Variants in TET1 observed in about 807,000 individuals in gnomAD.
The protein encoded by TET1 is tet methylcytosine dioxygenase 1.
Under a neutral mutation model 148.7 loss-of-function variants are expected in TET1, and 13 were observed. The ratio of observed to expected loss-of-function variants is 0.09; its 90% CI spans 0.06 to 0.14. TET1 has a LOEUF of 0.14. Among genes scored for constraint, TET1 ranks in the 10% least tolerant of loss-of-function variants. TET1 has a pLI of 1.00. For synonymous variants in TET1, 907 were observed against 937.2 expected (o/e 0.97, Z 0.59); for missense variants, 2,182 against 2,553.8 (o/e 0.85, Z 3.14).
intron 6 of TET1, among the ~76,000 whole-genome samples, chr10:68,656,428 A>C (rs1178054764): frequency 6.6e-6 from 1 of 152,042 alleles, no homozygotes; most frequent in African/African-American, 2.4e-5. Context: ...ACACCTGGCT[A>C]ATTTTTTGTA....
In TET1 at chr10:68,691,761, G is replaced by A; in HGVS notation, c.6358G>A (p.Val2120Met). The change falls in exon 12 of 12, where the codon GTG (valine) becomes ATG (methionine). Residue 2120 changes from valine (V) to methionine (M), a missense_variant. Transcript: ENST00000373644. This position sits in a 1 kb window ranked among gnomAD's most constrained non-coding sequence, Gnocchi z 4.4. ...ATTAACCCATGACAATGTTGTCACC[G>A]TGTCCCCTTATGCTCTCACACACGT... ...LTLTHDNVVTVSPYALTHVAG... is the reference protein window; with the variant it reads ...LTLTHDNVVTMSPYALTHVAG... 1.2e-6 allele frequency: 2 copies of A among 1,613,832 alleles called. No individual in the cohort carries two copies. Among genetic ancestry groups the A allele is most frequent in the Admixed American group, 1.7e-5 (1 of 60,000 alleles).
chr10:68,681,209 A>T (rs565386616), intron 8 of TET1, among the ~76,000 whole-genome samples, 190 bp from the exon 9 acceptor site: 51 of 152,370 alleles, frequency 3.3e-4, no homozygotes, highest in Admixed American at 3.3e-3. Context: ...AAAAGACTTC[A>T]TTAAAGCATA....
chr10:68,570,375 G>A (rs949858013), intron 1 of TET1, among the ~76,000 whole-genome samples: 5 of 152,044 alleles, frequency 3.3e-5, no homozygotes, highest in African/African-American at 1.2e-4. Context: ...AAAGTGCTGG[G>A]ATTACAGGCG....
chr10:68,649,270 A>G (rs1320867103), intron 4 of TET1, among the ~76,000 whole-genome samples: 4 of 152,246 alleles, frequency 2.6e-5, no homozygotes, highest in Admixed American at 6.5e-5. Context: ...ACCTATCCTT[A>G]TAACGAACAC....
At chr10:68,676,200 A>G (rs1272915433) in intron 8 of TET1, among the ~76,000 whole-genome samples, 8 of 108,922 alleles carry the variant, frequency 7.3e-5, no homozygotes, top group Non-Finnish European at 1.2e-4. Flanking sequence ...CACAAGATAT[A>G]TATGTATATA....
chr10:68,659,637 A>G (rs529042370), intron 6 of TET1, among the ~76,000 whole-genome samples: 12 of 152,082 alleles, frequency 7.9e-5, no homozygotes, highest in Non-Finnish European at 1.6e-4. Flanking sequence ...ACTGACTTAC[A>G]TGTTTTTCTT....
chr10:68,680,212 A>G (rs1020795124), intron 8 of TET1, among the ~76,000 whole-genome samples: 2 of 152,254 alleles, frequency 1.3e-5, no homozygotes, highest in African/African-American at 4.8e-5. Flanking sequence ...TAATAATTTG[A>G]TGCATACCAA....
intron 4 of TET1, 40 bp from the exon 5 acceptor site, chr10:68,651,806 C>T (rs1430343617): frequency 1.3e-6 from 2 of 1,509,560 alleles, no homozygotes; most frequent in Non-Finnish European, 1.8e-6. Context: ...CTATGCAATT[C>T]TGTAAAGCTT....
In TET1 at chr10:68,692,881, G is replaced by A. The variant is rs2055611562; in HGVS notation, c.*1067G>A. On this transcript the variant is annotated 3_prime_UTR_variant, in exon 12 of 12. Transcript: ENST00000373644. ...GAGTCAAATGCTTCTAATGTCTCAAGGTGATAAAATACAAAAACTAAGTAG... is the reference window on the plus strand; with the variant it reads ...GAGTCAAATGCTTCTAATGTCTCAAAGTGATAAAATACAAAAACTAAGTAG... 2 of 231,160 alleles carry A rather than the reference G, an allele frequency of 8.7e-6. No homozygotes were observed. Among genetic ancestry groups the A allele is most frequent in the Non-Finnish European group, 1.7e-5 (2 of 117,210 alleles). The allele number at this position is 231,160 out of a possible 1,614,324, so 14.3% of individuals were successfully genotyped here.
intron 7 of TET1, among the ~76,000 whole-genome samples, chr10:68,670,939 C>T (rs1355266417): frequency 1.3e-5 from 2 of 151,912 alleles, no homozygotes; most frequent in Admixed American, 6.6e-5. Flanking sequence ...TATATAAGTA[C>T]AATATATACT....
chr10:68,649,283 T>C (rs1475790321), intron 4 of TET1, among the ~76,000 whole-genome samples: 2 of 152,204 alleles, frequency 1.3e-5, no homozygotes, highest in Non-Finnish European at 2.9e-5. Context: ...ACGAACACTC[T>C]GGTGCTTAAT....
At chr10:68,655,067 G>C (rs1204169054) in intron 6 of TET1, among the ~76,000 whole-genome samples, 1 of 152,116 alleles carries the variant, frequency 6.6e-6, no homozygotes, top group Non-Finnish European at 1.5e-5. Context: ...AAGAGGTTGA[G>C]GCCAGGAGTT....
intron 3 of TET1, among the ~76,000 whole-genome samples, chr10:68,614,910 T>C (rs989046933): frequency 7.9e-5 from 12 of 151,908 alleles, no homozygotes; most frequent in Non-Finnish European, 1.5e-4. Flanking sequence ...ACTTCTTTCT[T>C]GTGTGTTTCA....
intron 1 of TET1, among the ~76,000 whole-genome samples, chr10:68,567,383 C>A (rs539678631): frequency 6.6e-6 from 1 of 152,000 alleles, no homozygotes; most frequent in African/African-American, 2.4e-5. Flanking sequence ...AGATTGAACC[C>A]GGGAGGGTTC....
intron 1 of TET1, among the ~76,000 whole-genome samples, chr10:68,562,793 AC>A (rs1378834110): frequency 7.0e-6 from 1 of 143,528 alleles, no homozygotes; most frequent in Non-Finnish European, 1.5e-5. Context: ...CCCCTCCCCC[AC>A]CTTCTGAGCG....
Position 68,692,608 on chromosome 10 carries a change from G to A in TET1, c.*794G>A, listed in dbSNP as rs900688791. The A allele has an allele frequency of 1.3e-5, 3 of 232,268 alleles. No homozygotes were observed. Among genetic ancestry groups the A allele is most frequent in the Non-Finnish European group, 2.6e-5 (3 of 117,394 alleles). 14.4% of individuals were successfully genotyped at this position (232,268 alleles called of 1,614,324 possible). Reference sequence around the variant, plus strand: ...TATATGGTTTGTGTTCTTTTACTGTGTCCTCTCACATTCAAGTATTAGCAA... The same window carrying A: ...TATATGGTTTGTGTTCTTTTACTGTATCCTCTCACATTCAAGTATTAGCAA... On this transcript the variant is annotated 3_prime_UTR_variant, in exon 12 of 12. Transcript: ENST00000373644.
chr10:68,561,252 C>G (rs1022075610), intron 1 of TET1, among the ~76,000 whole-genome samples: 1 of 152,060 alleles, frequency 6.6e-6, no homozygotes, highest in Non-Finnish European at 1.5e-5. Flanking sequence ...CAAGTTTTCT[C>G]CCTCCCCCCA....
At chr10:68,575,124 C>T (rs1464743895) in intron 2 of TET1, among the ~76,000 whole-genome samples, 1 of 152,180 alleles carries the variant, frequency 6.6e-6, no homozygotes, top group African/African-American at 2.4e-5. Flanking sequence ...TGGCTTACGC[C>T]TGTAATCCCA....
intron 3 of TET1, among the ~76,000 whole-genome samples, chr10:68,608,620 C>T (rs576335885): frequency 6.6e-6 from 1 of 152,252 alleles, no homozygotes; most frequent in South Asian, 2.1e-4. Flanking sequence ...CTGCAACCTC[C>T]ACCTCCGGGG....
Sources: gnomAD v4.1 joint callset for allele counts (sites outside exome capture counted in the v4.1 genomes callset) on GRCh38, gnomAD v4.1.1 for gene constraint, Gnocchi (gnomAD v3.1) non-coding constraint, MANE v1.5 for transcripts, NCBI Gene and HGNC (gene_info 2026-07-23, HGNC 2026-07-21) for gene names.